Variants in ZNF362 observed in about 807,000 individuals in gnomAD.
ZNF362 encodes rotund homolog.
Under a neutral mutation model 42.9 loss-of-function variants are expected in ZNF362, and 11 were observed. That is an observed-to-expected ratio of 0.26 (90% confidence interval 0.16 to 0.42). The LOEUF (loss-of-function observed/expected upper bound fraction) is 0.42. Ranked by LOEUF, ZNF362 falls within the 20% of genes least tolerant of loss-of-function variation. The pLI, the probability that ZNF362 is intolerant of heterozygous loss-of-function variation, is 1.00. For missense variants in ZNF362, 362 were observed against 576.2 expected (o/e 0.63, Z 3.81); for synonymous variants, 255 against 257.3 (o/e 0.99, Z 0.09).
the ZNF362 span, among the ~76,000 whole-genome samples, chr1:33,188,157 C>T: frequency 5.3e-5 from 8 of 152,098 alleles, no homozygotes; most frequent in African/African-American, 1.9e-4. Context: ...TCCCTTGAAC[C>T]CAGGAGGCAG....
chr1:33,279,207 T>C (rs1384359512), intron 4 of ZNF362, among the ~76,000 whole-genome samples: 1 of 152,094 alleles, frequency 6.6e-6, no homozygotes, highest in African/African-American at 2.4e-5. Flanking sequence ...GTAATTTTTG[T>C]AGAGACAGGG....
chr1:33,270,864 G>T (rs1466237674), intron 2 of ZNF362, among the ~76,000 whole-genome samples: 1 of 152,134 alleles, frequency 6.6e-6, no homozygotes, highest in Non-Finnish European at 1.5e-5. Flanking sequence ...TGTCATTTGT[G>T]TCTGGGTTTG....
At chr1:33,197,760 A>G in the ZNF362 span, among the ~76,000 whole-genome samples, 1 of 152,224 alleles carries the variant, frequency 6.6e-6, no homozygotes, top group Non-Finnish European at 1.5e-5. Context: ...GCAGAGTCCC[A>G]GAAAGGAGAG....
At chr1:33,197,500 T>A in the ZNF362 span, among the ~76,000 whole-genome samples, 1 of 152,312 alleles carries the variant, frequency 6.6e-6, no homozygotes, top group East Asian at 1.9e-4. Flanking sequence ...CCATCATTGA[T>A]CAAAAGTCGT....
At chr1:33,187,113 A>G in the ZNF362 span, among the ~76,000 whole-genome samples, 346 of 152,286 alleles carry the variant, frequency 2.3e-3, 1 homozygote, top group Non-Finnish European at 4.0e-3. Context: ...CCTCAGAAGC[A>G]TCCCACCCAA....
chr1:33,141,225 CCG>C, the ZNF362 span, among the ~76,000 whole-genome samples: 1 of 151,884 alleles, frequency 6.6e-6, no homozygotes, highest in Non-Finnish European at 1.5e-5. Context: ...TCTTGTACCC[CCG>C]CAGACCTTCT....
rs140140466 is a variant in ZNF362 at position 33,294,949 on chromosome 1, C to T, written c.921C>T (p.Gly307=). 7.2e-5 allele frequency: 117 copies of T among 1,613,958 alleles called. No homozygotes were observed. Among genetic ancestry groups the T allele is most frequent in the East Asian group, 4.9e-4 (22 of 44,890 alleles). ...HLQQHTRIHT[G]DRPYKCPHPG... ...CTGCCCATTACAGAATCCACACAGG[C>T]GACAGACCCTACAAGTGCCCACATC... Residue 307 remains glycine (G), a synonymous_variant, in exon 7 of 9, where the codon GGC becomes GGT. Transcript: ENST00000539719. The surrounding 1 kb of genome is among the most constrained non-coding windows in gnomAD (Gnocchi z 4.2).
chr1:33,140,043 A>T, the ZNF362 span, among the ~76,000 whole-genome samples: 2 of 152,060 alleles, frequency 1.3e-5, no homozygotes, highest in African/African-American at 4.8e-5. The surrounding 1 kb of genome is among the most constrained non-coding windows in gnomAD (Gnocchi z 4.0). Flanking sequence ...GTAAATTTTG[A>T]TGGAGGAATG....
At chr1:33,137,709 C>T in the ZNF362 span, among the ~76,000 whole-genome samples, 1 of 152,162 alleles carries the variant, frequency 6.6e-6, no homozygotes, top group African/African-American at 2.4e-5. Flanking sequence ...CTTTGGGAAC[C>T]AGAAAACTTT....
chr1:33,270,440 CTAT>C (rs527498448), intron 1 of ZNF362, 44 bp from the exon 2 acceptor site: 9 of 616,174 alleles, frequency 1.5e-5, no homozygotes, highest in South Asian at 4.3e-5. Flanking sequence ...TGGCACTTTA[CTAT>C]TATTATTATT....
the ZNF362 span, among the ~76,000 whole-genome samples, chr1:33,130,008 A>G: frequency 1.3e-5 from 2 of 152,014 alleles, no homozygotes; most frequent in Non-Finnish European, 2.9e-5. Flanking sequence ...TACAGGCATG[A>G]GCCACCATGC....
chr1:33,197,189 G>A, the ZNF362 span, among the ~76,000 whole-genome samples: 33 of 152,224 alleles, frequency 2.2e-4, no homozygotes, highest in African/African-American at 7.2e-4. Context: ...GGGATCTTGG[G>A]CCTTCAGCCA....
the ZNF362 span, among the ~76,000 whole-genome samples, chr1:33,140,363 G>A: frequency 1.3e-5 from 2 of 152,182 alleles, no homozygotes; most frequent in African/African-American, 2.4e-5. This position sits in a 1 kb window ranked among gnomAD's most constrained non-coding sequence, Gnocchi z 4.0. Flanking sequence ...TCCCATATCT[G>A]CTTCTCCCTT....
At chr1:33,214,985 CACTAGTAGGTAT>C in the ZNF362 span, among the ~76,000 whole-genome samples, 2 of 152,114 alleles carry the variant, frequency 1.3e-5, no homozygotes, top group Admixed American at 6.6e-5. Context: ...CTAGCAATTC[CACTAGTAGGTAT>C]ACATCCAAAT....
the ZNF362 span, among the ~76,000 whole-genome samples, chr1:33,180,811 C>T: frequency 6.6e-6 from 1 of 152,230 alleles, no homozygotes; most frequent in Non-Finnish European, 1.5e-5. Context: ...AGGGTCCGGA[C>T]TGCCCAAGGC....
At chr1:33,241,964 G>A in the ZNF362 span, among the ~76,000 whole-genome samples, 1 of 152,228 alleles carries the variant, frequency 6.6e-6, no homozygotes, top group Non-Finnish European at 1.5e-5. Context: ...GGTATGTGGG[G>A]TAAAGGGGAG....
chr1:33,263,415 T>A (rs1645842564), intron 1 of ZNF362, among the ~76,000 whole-genome samples: 1 of 146,724 alleles, frequency 6.8e-6, no homozygotes, highest in Non-Finnish European at 1.5e-5. Flanking sequence ...AAATGATGAT[T>A]TTTTTTTTTT....
chr1:33,224,052 C>T, the ZNF362 span, among the ~76,000 whole-genome samples: 2 of 152,080 alleles, frequency 1.3e-5, no homozygotes, highest in African/African-American at 4.8e-5. Context: ...ATTATCTCTA[C>T]ATTTTTCATA....
chr1:33,203,068 A>T, the ZNF362 span, among the ~76,000 whole-genome samples: 1 of 152,166 alleles, frequency 6.6e-6, no homozygotes, highest in African/African-American at 2.4e-5. Flanking sequence ...CTTATGTGTT[A>T]CATTAGATCT....
Sources: allele counts gnomAD v4.1 joint callset (sites outside exome capture counted in the v4.1 genomes callset), GRCh38; gene constraint gnomAD v4.1.1; non-coding constraint Gnocchi (gnomAD v3.1); transcripts MANE v1.5; gene names NCBI Gene and HGNC (gene_info 2026-07-23, HGNC 2026-07-21).